ROBO2: variants seen among roughly 807,000 people sequenced by gnomAD.
ROBO2 encodes roundabout homolog 2.
ROBO2 carries 53 observed loss-of-function variants against 160.8 expected under a neutral mutation model. The ratio of observed to expected loss-of-function variants is 0.33; its 90% CI spans 0.26 to 0.41. The LOEUF (loss-of-function observed/expected upper bound fraction) is 0.41. Among genes scored for constraint, ROBO2 ranks in the 10% least tolerant of loss-of-function variants. ROBO2 has a pLI of 1.00. For synonymous variants in ROBO2, 664 were observed against 611.7 expected, an observed-to-expected ratio of 1.09 and a Z score of -1.26; for missense variants, 1,577 against 1,722.4, an observed-to-expected ratio of 0.92 and a Z score of 1.49.
chr3:77,369,756 A>G (rs1040974366), intron 2 of ROBO2, among the ~76,000 whole-genome samples: 1 of 152,216 alleles, frequency 6.6e-6, no homozygotes, highest in Non-Finnish European at 1.5e-5. Context: ...GCCAAAGGCA[A>G]TATGAAATTG....
At chr3:77,531,658 T>C (rs2091737680) in intron 6 of ROBO2, among the ~76,000 whole-genome samples, 1 of 152,116 alleles carries the variant, frequency 6.6e-6, no homozygotes, top group South Asian at 2.1e-4. Flanking sequence ...AACTTGAAAT[T>C]TGGAAAATAT....
intron 2 of ROBO2, among the ~76,000 whole-genome samples, chr3:76,176,231 C>T (rs1335532043): frequency 1.3e-5 from 2 of 152,072 alleles, no homozygotes; most frequent in Non-Finnish European, 2.9e-5. Context: ...TCACCACCTC[C>T]ACCGCCACCT....
intron 2 of ROBO2, among the ~76,000 whole-genome samples, chr3:76,218,369 A>C (rs1260127635): frequency 6.6e-6 from 1 of 152,190 alleles, no homozygotes; most frequent in Admixed American, 6.5e-5. Context: ...GAGGAAGTCA[A>C]ATTGTCCCTG....
chr3:77,285,058 A>T (rs1331501348), intron 2 of ROBO2, among the ~76,000 whole-genome samples: 1 of 152,190 alleles, frequency 6.6e-6, no homozygotes, highest in Non-Finnish European at 1.5e-5. Flanking sequence ...AGACAGTATT[A>T]TCCCCTTTAT....
intron 2 of ROBO2, among the ~76,000 whole-genome samples, chr3:76,458,746 C>T (rs1013814979): frequency 6.6e-6 from 1 of 151,952 alleles, no homozygotes; most frequent in Admixed American, 6.6e-5. Context: ...GGAAAAGGCA[C>T]TTCTTACATG....
chr3:76,435,367 A>T (rs2109054440), intron 2 of ROBO2: 1 of 787,046 alleles, frequency 1.3e-6, no homozygotes, highest in Non-Finnish European at 2.3e-6. Flanking sequence ...GTTCTTGAAC[A>T]GTTCAAGACC....
intron 2 of ROBO2, among the ~76,000 whole-genome samples, chr3:76,351,409 C>A (rs905579978): frequency 6.6e-6 from 1 of 151,788 alleles, no homozygotes; most frequent in Admixed American, 6.6e-5. Context: ...AGCTGTCAAA[C>A]CTAACAGAAC....
intron 2 of ROBO2, among the ~76,000 whole-genome samples, chr3:76,865,917 T>G (rs2071325897): frequency 6.6e-6 from 1 of 152,126 alleles, no homozygotes. Flanking sequence ...AGTAGGTACT[T>G]CAGCATGATT....
chr3:76,366,710 G>C (rs187694078), intron 2 of ROBO2, among the ~76,000 whole-genome samples: 19 of 151,938 alleles, frequency 1.3e-4, no homozygotes, highest in Non-Finnish European at 2.7e-4. Context: ...TGTTTTCTCA[G>C]ATATTTATAG....
At chr3:76,901,128 A>C (rs2075192705) in intron 2 of ROBO2, among the ~76,000 whole-genome samples, 1 of 152,150 alleles carries the variant, frequency 6.6e-6, no homozygotes, top group African/African-American at 2.4e-5. Context: ...TATGAGGGTT[A>C]GTATGGGTCC....
chr3:77,286,725 C>T lies in ROBO2; in HGVS notation c.388+188385C>T, dbSNP rs1033477793. Among the ~76,000 whole-genome samples the T allele has an allele frequency of 5.3e-5, 8 of 152,174 alleles. No homozygotes were observed. The East Asian group carries it at 1.5e-3, about 29-fold the overall frequency. On this transcript the variant is annotated intron_variant, in intron 2 of 25. Coordinates refer to ENST00000461745, the Ensembl canonical transcript of ROBO2. Reference sequence around the variant, plus strand: ...ACTGTTTTCTGCTTTCTTCATGAGGCTTTCCCTTATCCTTCACAGAACTAT... The same window carrying T: ...ACTGTTTTCTGCTTTCTTCATGAGGTTTTCCCTTATCCTTCACAGAACTAT...
intron 2 of ROBO2, among the ~76,000 whole-genome samples, chr3:77,277,440 T>G (rs908174316): frequency 6.6e-6 from 1 of 152,124 alleles, no homozygotes; most frequent in East Asian, 1.9e-4. Context: ...TTCTTCCAGA[T>G]GATGTCACTC....
intron 2 of ROBO2, among the ~76,000 whole-genome samples, chr3:77,236,811 C>T (rs974565440): frequency 2.0e-5 from 3 of 152,152 alleles, no homozygotes; most frequent in African/African-American, 7.2e-5. Context: ...GTAGCCTTTT[C>T]AGATTGACTT....
rs1284395248 is a variant in ROBO2, at chr3:76,232,216, A to C, written c.109+294614A>C. Among the ~76,000 whole-genome samples, 3 of 152,316 alleles carry C rather than the reference A, an allele frequency of 2.0e-5. No homozygotes were observed. The East Asian group carries it at 5.8e-4, about 29-fold the overall frequency. On this transcript the variant is annotated intron_variant, in intron 2 of 26. Coordinates refer to the ROBO2 transcript ENST00000487694. The stretch of plus-strand genomic sequence containing the variant: ...TCAGCAAAATACTAAAGAAGTTCTC[A>C]ATAGTTATTACATTTTTAAGCATCT...
intron 2 of ROBO2, among the ~76,000 whole-genome samples, chr3:77,273,000 G>A (rs1381541002): frequency 6.6e-6 from 1 of 152,098 alleles, no homozygotes; most frequent in African/African-American, 2.4e-5. Context: ...ACACATTACA[G>A]GTTTGTTACA....
At chr3:75,915,182 T>C (rs1357962127) in intron 1 of ROBO2, among the ~76,000 whole-genome samples, 1 of 152,226 alleles carries the variant, frequency 6.6e-6, no homozygotes, top group Non-Finnish European at 1.5e-5. Flanking sequence ...AACCAGTGAA[T>C]GTTTGCTTAT....
chr3:77,292,097 T>A (rs1406191445), intron 2 of ROBO2, among the ~76,000 whole-genome samples: 1 of 141,656 alleles, frequency 7.1e-6, no homozygotes, highest in Non-Finnish European at 1.5e-5. Flanking sequence ...AAATTGACGG[T>A]TAAACGGGTA....
chr3:76,425,351 C>T (rs1031526752), intron 2 of ROBO2, among the ~76,000 whole-genome samples: 16 of 152,062 alleles, frequency 1.1e-4, no homozygotes, highest in Admixed American at 3.9e-4. Context: ...TTTAACTGGG[C>T]ACCTTTGTAT....
At chr3:76,500,157 C>T (rs907157369) in intron 2 of ROBO2, among the ~76,000 whole-genome samples, 5 of 152,082 alleles carry the variant, frequency 3.3e-5, no homozygotes, top group Non-Finnish European at 7.3e-5. Flanking sequence ...CTCAATCTGT[C>T]ACCCGGGTTG....
Sources: gnomAD v4.1 joint callset for allele counts (sites outside exome capture counted in the v4.1 genomes callset) on GRCh38, gnomAD v4.1.1 for gene constraint, MANE v1.5 for transcripts, NCBI Gene and HGNC (gene_info 2026-07-23, HGNC 2026-07-21) for gene names.